ESYT2: variants seen among roughly 807,000 people sequenced by gnomAD.
The protein encoded by ESYT2 is extended synaptotagmin-2.
A neutral mutation model predicts 107.2 loss-of-function variants in ESYT2; 54 were observed. The ratio of observed to expected loss-of-function variants is 0.50; its 90% CI spans 0.40 to 0.63. The LOEUF (loss-of-function observed/expected upper bound fraction) is 0.63, where lower values mean the gene tolerates loss of function less well. ESYT2 is among the 30% of genes least tolerant of loss of function. ESYT2 has a pLI of 0.00. For synonymous variants in ESYT2, 491 were observed against 434.1 expected (o/e 1.13, Z -1.63); for missense variants, 1,020 against 1,094.5 (o/e 0.93, Z 0.96).
At chr7:158,768,723 T>C (rs1186899176) in intron 7 of ESYT2, among the ~76,000 whole-genome samples, 1 of 152,234 alleles carries the variant, frequency 6.6e-6, no homozygotes, top group African/African-American at 2.4e-5. Context: ...TGGTCAAAGA[T>C]GTACTTTTAA....
At chr7:158,811,313 T>A (rs1261944529) in intron 1 of ESYT2, among the ~76,000 whole-genome samples, 1 of 152,184 alleles carries the variant, frequency 6.6e-6, no homozygotes, top group Non-Finnish European at 1.5e-5. Context: ...GGACCCAAAG[T>A]AAATCAGTGG....
chr7:158,748,283 A>G lies in ESYT2; in HGVS notation c.1558-3T>C, dbSNP rs1217546338. On this transcript the variant is annotated splice_polypyrimidine_tract_variant and splice_region_variant and intron_variant, in intron 15 of 22. Coordinates refer to ENST00000275418, the MANE Select transcript of ESYT2 (RefSeq NM_001367773.1). ...GGTTCATTGGTTTTGTATCGAATCT[A>G]GAAGAAATATCCAAATTATTAGCTC... The G allele has an allele frequency of 3.1e-6, 5 of 1,612,116 alleles. No individual in the cohort carries two copies. The highest frequency in any genetic ancestry group is 4.2e-6 in the Non-Finnish European group (5 of 1,178,226).
intron 5 of ESYT2, 39 bp downstream of exon 5, chr7:158,788,306 G>A (rs779702298): frequency 6.4e-6 from 10 of 1,557,420 alleles, no homozygotes; most frequent in Non-Finnish European, 8.7e-6. Context: ...GAGAACTTTA[G>A]AAAACTGTCA....
At chr7:158,741,446 T>A in intron 18 of ESYT2, 77 bp downstream of exon 18, 1 of 1,483,068 alleles carries the variant, frequency 6.7e-7, no homozygotes, top group African/African-American at 1.5e-5. Flanking sequence ...CTCTGCTGCG[T>A]TAAACGACTC....
chr7:158,749,147 C>T (rs924245609), intron 15 of ESYT2, among the ~76,000 whole-genome samples: 1 of 151,530 alleles, frequency 6.6e-6, no homozygotes, highest in Non-Finnish European at 1.5e-5. Context: ...TGCTCTGTCA[C>T]CCAGGCTGAA....
In ESYT2 at chr7:158,782,023, G is replaced by A. The variant is rs543854011; in HGVS notation, c.747+5981C>T. Among the ~76,000 whole-genome samples the A allele has an allele frequency of 2.6e-5, 4 of 151,110 alleles. 1 individual carries two copies. The highest frequency in any genetic ancestry group is 4.0e-4 in the East Asian group (2 of 5,042). On this transcript the variant is annotated intron_variant, in intron 6 of 22. Transcript: ENST00000275418. ...AGAACAAGTGTGTGAACAAAGTGAGGTGTAAGTGCAAGAACGAGAACAAGT... is the reference window on the plus strand; with the variant it reads ...AGAACAAGTGTGTGAACAAAGTGAGATGTAAGTGCAAGAACGAGAACAAGT...
chr7:158,811,345 C>G (rs747664665), intron 1 of ESYT2, among the ~76,000 whole-genome samples: 2 of 152,234 alleles, frequency 1.3e-5, no homozygotes, highest in South Asian at 2.1e-4. Flanking sequence ...GTTCCTTGTT[C>G]GTGGCTTAAC....
At chr7:158,824,833 A>C (rs114893042) in intron 1 of ESYT2, among the ~76,000 whole-genome samples, 1,731 of 152,272 alleles carry the variant, frequency 0.011, 38 homozygotes, top group African/African-American at 0.039. Flanking sequence ...TGCCCTTATT[A>C]ATCTCTATAA....
chr7:158,777,109 C>T (rs916948767), intron 6 of ESYT2, among the ~76,000 whole-genome samples: 1 of 152,004 alleles, frequency 6.6e-6, no homozygotes, highest in Non-Finnish European at 1.5e-5. Context: ...GTGATCCGCC[C>T]CACTTGGCCT....
intron 1 of ESYT2, among the ~76,000 whole-genome samples, chr7:158,828,368 G>T (rs557914396): frequency 2.6e-5 from 4 of 152,386 alleles, no homozygotes; most frequent in African/African-American, 9.6e-5. Context: ...AATCGCGCTG[G>T]GCGCTCTGAG....
intron 16 of ESYT2, among the ~76,000 whole-genome samples, chr7:158,746,229 G>GACACACACACACACAC (rs55828446): frequency 1.3e-4 from 19 of 148,010 alleles, no homozygotes; most frequent in South Asian, 1.1e-3. Context: ...TACATAAATA[G>GACACACACACACACAC]ACACACACAC....
intron 4 of ESYT2, among the ~76,000 whole-genome samples, chr7:158,790,025 GGGAGAGTCCTCCTGGGGGC>G (rs200247527): frequency 0.13 from 19,518 of 151,990 alleles, 1,878 homozygotes; most frequent in East Asian, 0.43. Flanking sequence ...CAGCCCAGTG[GGGAGAGTCCTCCTGGGGGC>G]GGAGCGTCCT....
chr7:158,824,312 T>C (rs1211556895), intron 1 of ESYT2, among the ~76,000 whole-genome samples: 1 of 152,258 alleles, frequency 6.6e-6, no homozygotes, highest in Non-Finnish European at 1.5e-5. Context: ...GAAGAAGCAC[T>C]TGTTTAAAAT....
At chr7:158,772,308 T>C (rs1436912135) in intron 7 of ESYT2, among the ~76,000 whole-genome samples, 2 of 152,174 alleles carry the variant, frequency 1.3e-5, no homozygotes, top group Admixed American at 1.3e-4. Context: ...AAAAGGACTT[T>C]CATGATGACT....
Position 158,735,166 on chromosome 7 carries a change from T to C in ESYT2, c.2505+337A>G, listed in dbSNP as rs1291403420. 2.6e-5 allele frequency among the ~76,000 whole-genome samples: 4 copies of C among 152,136 alleles called. No homozygotes were observed. In the South Asian group the frequency reaches 6.2e-4, roughly 24 times the overall value. ...AATAACATACACTCACATGCCAAAG[T>C]GAAATGTGAAATACGGACAAAGAGT... On this transcript the variant is annotated intron_variant, in intron 21 of 22. Coordinates refer to ENST00000275418, the MANE Select transcript of ESYT2 (RefSeq NM_001367773.1).
chr7:158,824,755 G>A (rs1840389384), intron 1 of ESYT2, among the ~76,000 whole-genome samples: 1 of 152,118 alleles, frequency 6.6e-6, no homozygotes, highest in Non-Finnish European at 1.5e-5. Context: ...AGTAAAAGCA[G>A]GATAGAGTCA....
At chr7:158,790,277 G>A (rs1014079553) in intron 4 of ESYT2, among the ~76,000 whole-genome samples, 18 of 152,168 alleles carry the variant, frequency 1.2e-4, no homozygotes, top group Non-Finnish European at 2.5e-4. Flanking sequence ...ACTCAAAGAT[G>A]ATCATTTTAA....
intron 20 of ESYT2, 137 bp downstream of exon 20, chr7:158,736,911 T>C: frequency 9.4e-7 from 1 of 1,068,330 alleles, no homozygotes; most frequent in Non-Finnish European, 1.4e-6. Flanking sequence ...AGAAGTATGT[T>C]TGCTAAAAGT....
At chr7:158,781,201 G>C (rs1310930923) in intron 6 of ESYT2, among the ~76,000 whole-genome samples, 1 of 152,096 alleles carries the variant, frequency 6.6e-6, no homozygotes, top group African/African-American at 2.4e-5. Flanking sequence ...ACAAGTATGA[G>C]TGAACAAGTG....
Sources: allele counts gnomAD v4.1 joint callset (sites outside exome capture counted in the v4.1 genomes callset), GRCh38; gene constraint gnomAD v4.1.1; transcripts MANE v1.5; gene names NCBI Gene and HGNC (gene_info 2026-07-23, HGNC 2026-07-21).